RPS6KA3: variants seen among roughly 807,000 people sequenced by gnomAD.
The protein encoded by RPS6KA3 is ribosomal protein S6 kinase alpha-3.
Under a neutral mutation model 67.2 loss-of-function variants are expected in RPS6KA3, and 4 were observed. That is an observed-to-expected ratio of 0.06 (90% CI 0.03 to 0.14). The LOEUF (loss-of-function observed/expected upper bound fraction) is 0.14, where lower values mean the gene tolerates loss of function less well. Ranked by LOEUF, RPS6KA3 falls within the 10% of genes least tolerant of loss-of-function variation. The pLI is 1.00. For missense variants in RPS6KA3, 204 were observed against 559.0 expected (o/e 0.36, Z 6.40); for synonymous variants, 182 against 183.7 (o/e 0.99, Z 0.07).
chrX:20,209,425 G>A, intron 2 of RPS6KA3, 21 bp from the exon 3 acceptor site: 2 of 855,966 alleles, frequency 2.3e-6, no homozygotes, highest in South Asian at 2.0e-5. Flanking sequence ...AAACGTAAGA[G>A]GAGCAAACAG....
intron 1 of RPS6KA3, among the ~76,000 whole-genome samples, chrX:20,265,003 A>G (rs947954309): frequency 3.6e-5 from 4 of 112,475 alleles, no homozygotes; most frequent in Non-Finnish European, 3.7e-5. Flanking sequence ...TATTTATAGT[A>G]TTAGTCTGGT....
chrX:20,236,266 T>C (rs753390872), intron 1 of RPS6KA3, among the ~76,000 whole-genome samples: 2 of 112,077 alleles, frequency 1.8e-5, no homozygotes, highest in African/African-American at 3.2e-5. Flanking sequence ...TGAATACGTA[T>C]TATTTGTGTA....
chrX:20,178,270 T>C (rs2067749048), intron 10 of RPS6KA3, among the ~76,000 whole-genome samples: 1 of 111,579 alleles, frequency 9.0e-6, no homozygotes, highest in African/African-American at 3.3e-5. Flanking sequence ...AGGTCTTCAA[T>C]GCAATCTAAA....
At chrX:20,231,136 G>A (rs1293560036) in intron 2 of RPS6KA3, among the ~76,000 whole-genome samples, 1 of 110,140 alleles carries the variant, frequency 9.1e-6, no homozygotes, top group Non-Finnish European at 1.9e-5. Context: ...TTTTAAACCT[G>A]TAGTAGAGAC....
chrX:20,227,916 T>C (rs748882514), intron 2 of RPS6KA3, among the ~76,000 whole-genome samples: 1 of 111,389 alleles, frequency 9.0e-6, no homozygotes, highest in South Asian at 3.7e-4. Context: ...GGAATTCCTA[T>C]TAGTTAGATG....
intron 20 of RPS6KA3, among the ~76,000 whole-genome samples, chrX:20,159,208 C>T (rs1309654190): frequency 2.7e-5 from 3 of 112,360 alleles, no homozygotes; most frequent in Non-Finnish European, 5.6e-5. Context: ...AATATAGGTC[C>T]TCATCATTCA....
intron 1 of RPS6KA3, among the ~76,000 whole-genome samples, chrX:20,256,743 A>G (rs188696180): frequency 8.9e-6 from 1 of 112,089 alleles, no homozygotes; most frequent in African/African-American, 3.2e-5. Context: ...CACTGTCTCT[A>G]TTGTGAACAG....
chrX:20,155,565 G>A lies in RPS6KA3; in HGVS notation c.2101-45C>T, dbSNP rs779023366. The A allele has an allele frequency of 4.3e-6, 5 of 1,171,115 alleles. No homozygotes were observed. In the East Asian group the frequency reaches 1.5e-4, roughly 35 times the overall value. On this transcript the variant is annotated intron_variant, in intron 21 of 21. Transcript: ENST00000379565. The stretch of plus-strand genomic sequence containing the variant: ...GTAGTAACAAAAGTGACAATGGATA[G>A]TCACACGTACACAAATACAAAATGA...
chrX:20,181,868 G>C (rs1178275940), intron 10 of RPS6KA3, among the ~76,000 whole-genome samples: 2 of 111,760 alleles, frequency 1.8e-5, no homozygotes, highest in Non-Finnish European at 3.8e-5. Context: ...GAGGCTTTGT[G>C]TTGAAAGGAT....
chrX:20,194,070 T>G (rs1603426266), intron 6 of RPS6KA3, 119 bp downstream of exon 6: 2 of 493,830 alleles, frequency 4.0e-6, no homozygotes, highest in African/African-American at 2.4e-5. Context: ...TTGGGTCTGA[T>G]TCTTCCAGAA....
chrX:20,250,119 T>C (rs1419319354), intron 1 of RPS6KA3, among the ~76,000 whole-genome samples: 3 of 112,214 alleles, frequency 2.7e-5, no homozygotes, highest in Non-Finnish European at 5.6e-5. Context: ...TCTATGTGTG[T>C]ATCCCCTTGC....
intron 1 of RPS6KA3, among the ~76,000 whole-genome samples, chrX:20,253,339 C>A (rs1177077964): frequency 3.6e-5 from 4 of 110,872 alleles, no homozygotes; most frequent in African/African-American, 1.3e-4. Context: ...AGTTGTTTGT[C>A]TAAAGGAAAC....
chrX:20,247,965 T>C (rs1156267796), intron 1 of RPS6KA3, among the ~76,000 whole-genome samples: 2 of 111,872 alleles, frequency 1.8e-5, no homozygotes, highest in African/African-American at 3.2e-5. Context: ...TGTTCTTTAA[T>C]GCAATTCAGT....
intron 1 of RPS6KA3, among the ~76,000 whole-genome samples, chrX:20,241,066 T>C (rs2069538451): frequency 9.0e-6 from 1 of 111,489 alleles, no homozygotes; most frequent in South Asian, 3.7e-4. Flanking sequence ...CCCTTATGCC[T>C]GCTTTACTAT....
rs183041432 is a variant in RPS6KA3 at position 20,253,358 on chromosome X, T to A, written c.69+13206A>T. Among the ~76,000 whole-genome samples the A allele has an allele frequency of 2.7e-5, 3 of 111,270 alleles. No homozygotes were observed. In the Admixed American group the frequency reaches 2.9e-4, roughly 11 times the overall value. ...GTTTGTCTAAAGGAAACAGGCTTTT[T>A]CTCAGAGCTCTTTTTGTCTGTGACT... On this transcript the variant is annotated intron_variant, in intron 1 of 21. Transcript: ENST00000379565.
chrX:20,254,381 C>CT (rs1012652064), intron 1 of RPS6KA3, among the ~76,000 whole-genome samples: 18 of 111,932 alleles, frequency 1.6e-4, no homozygotes, highest in Non-Finnish European at 2.3e-4. Context: ...CTGTAACTTT[C>CT]TTTTTTAAGT....
At chrX:20,228,970 G>T (rs1167862911) in intron 2 of RPS6KA3, among the ~76,000 whole-genome samples, 1 of 111,791 alleles carries the variant, frequency 8.9e-6, no homozygotes, top group Non-Finnish European at 1.9e-5. Flanking sequence ...ATATGCTTCT[G>T]TAACAACGAA....
chrX:20,208,836 A>G (rs1279074218), intron 3 of RPS6KA3, among the ~76,000 whole-genome samples: 1 of 111,885 alleles, frequency 8.9e-6, no homozygotes, highest in Non-Finnish European at 1.9e-5. Flanking sequence ...CCAGGAGTCA[A>G]GAAAACTTCA....
chrX:20,243,066 T>A (rs761908435), intron 1 of RPS6KA3, among the ~76,000 whole-genome samples: 2 of 110,499 alleles, frequency 1.8e-5, no homozygotes, highest in South Asian at 3.8e-4. Flanking sequence ...AAAAAAAAAA[T>A]AAAACAAGCG....
Sources: gnomAD v4.1 joint callset for allele counts (sites outside exome capture counted in the v4.1 genomes callset) on GRCh38, gnomAD v4.1.1 for gene constraint, MANE v1.5 for transcripts, NCBI Gene and HGNC (gene_info 2026-07-23, HGNC 2026-07-21) for gene names.